The following WRNIP1 variants were observed in gnomAD, a reference collection of about 807,000 sequenced individuals.
WRNIP1 encodes WRN helicase interacting protein 1.
A neutral mutation model predicts 56.1 loss-of-function variants in WRNIP1; 41 were observed. The ratio of observed to expected loss-of-function variants is 0.73; its 90% CI spans 0.57 to 0.95. The LOEUF is 0.95. WRNIP1 is among the 40% of genes least tolerant of loss of function. The probability of loss-of-function intolerance (pLI) is 0.00; values close to 1 mark genes in which losing one functional copy is unlikely to be tolerated. For missense variants in WRNIP1, 1,170 were observed against 939.4 expected (o/e 1.25, Z -3.21); for synonymous variants, 547 against 398.1 (o/e 1.37, Z -4.45).
In WRNIP1 at chr6:2,770,302, C is replaced by T. The variant is rs1196344146; in HGVS notation, c.1197C>T (p.His399=). 10 of 1,614,072 alleles carry T rather than the reference C, an allele frequency of 6.2e-6. No homozygotes were observed. Among genetic ancestry groups the T allele is most frequent in the Middle Eastern group, 3.3e-4 (2 of 6,084 alleles). ...LMRAINSLGI[H]VLDSSRPTDP... is the part of the protein sequence containing the mutation. ...GAGCGATCAACTCCCTGGGAATCCA[C>T]GTCCTAGACTCTAGCCGTCCCACTG... Residue 399 remains histidine, a synonymous_variant, in exon 3 of 7, where the codon CAC becomes CAT. Coordinates refer to ENST00000380773, the MANE Select transcript of WRNIP1 (RefSeq NM_020135.3).
Position 2,779,260 on chromosome 6 carries a change from C to G in WRNIP1, c.1257-3C>G, listed in dbSNP as rs1457294396. 6.2e-7 allele frequency: 1 copy of G among 1,613,762 alleles called. No individual in the cohort carries two copies. Among genetic ancestry groups the G allele is most frequent in the Non-Finnish European group, 8.5e-7 (1 of 1,179,848 alleles). On this transcript the variant is annotated splice_region_variant and splice_polypyrimidine_tract_variant and intron_variant, in intron 3 of 6. Coordinates refer to ENST00000380773, the MANE Select transcript of WRNIP1 (RefSeq NM_020135.3). ...ACCGTAACTAACCCTGCTTGTGTTT[C>G]AGGCCCGCCATGTTCATAGAGGATA...
intron 4 of WRNIP1, among the ~76,000 whole-genome samples, chr6:2,779,789 TACAATCACCTTTGAAA>T: frequency 6.6e-6 from 1 of 152,346 alleles, no homozygotes; most frequent in African/African-American, 2.4e-5. Context: ...CCTTGCAGAA[TACAATCACCTTTGAAA>T]GCCTGTGCAT....
At chr6:2,772,687 G>A (rs1765331748) in intron 3 of WRNIP1, among the ~76,000 whole-genome samples, 1 of 152,206 alleles carries the variant, frequency 6.6e-6, no homozygotes, top group Non-Finnish European at 1.5e-5. Context: ...AAGAAGTTAA[G>A]TTAGGAGATA....
intron 4 of WRNIP1, among the ~76,000 whole-genome samples, 179 bp from the exon 5 acceptor site, chr6:2,783,227 A>T (rs1194975485): frequency 2.0e-5 from 3 of 152,164 alleles, no homozygotes; most frequent in Admixed American, 6.5e-5. Context: ...ACTGGGATTA[A>T]GCCCCAGCAG....
intron 1 of WRNIP1, among the ~76,000 whole-genome samples, chr6:2,768,160 C>T (rs1765109872): frequency 6.6e-6 from 1 of 152,192 alleles, no homozygotes; most frequent in African/African-American, 2.4e-5. Context: ...AGTGAACATG[C>T]AGAAGTGGCC....
In WRNIP1 at chr6:2,766,455, C is replaced by A; in HGVS notation, c.822+11C>A. ...CCGGGCTGCGGCAAGGTGAGTGCGG[C>A]CTTGGCCGTTGGGCTTCCGTAGTTA... On this transcript the variant is annotated intron_variant, in intron 1 of 6. Transcript: ENST00000380773. 1 of 1,514,814 alleles carries A rather than the reference C, an allele frequency of 6.6e-7. No individual in the cohort carries two copies. The highest frequency in any genetic ancestry group is 8.9e-7 in the Non-Finnish European group (1 of 1,120,174). The allele number at this position is 1,514,814 out of a possible 1,614,324, so 93.8% of individuals were successfully genotyped here.
intron 4 of WRNIP1, 58 bp downstream of exon 4, chr6:2,779,550 T>C: frequency 6.5e-7 from 1 of 1,535,860 alleles, no homozygotes; most frequent in African/African-American, 1.4e-5. Context: ...TGTGCACACA[T>C]TCTCATTTCC....
chr6:2,781,547 C>T (rs928015824), intron 4 of WRNIP1, among the ~76,000 whole-genome samples: 3 of 152,204 alleles, frequency 2.0e-5, no homozygotes, highest in African/African-American at 7.2e-5. Flanking sequence ...GACCCACCCC[C>T]AGAGTTGTGA....
chr6:2,772,882 C>G (rs907565416), intron 3 of WRNIP1: 17 of 824,036 alleles, frequency 2.1e-5, no homozygotes, highest in Middle Eastern at 6.2e-4. Context: ...TTTGGTGACA[C>G]TAATCTAGTT....
In WRNIP1 at chr6:2,779,252, T is replaced by C; in HGVS notation, c.1257-11T>C. 6.2e-7 allele frequency: 1 copy of C among 1,613,806 alleles called. No individual in the cohort carries two copies. On this transcript the variant is annotated splice_polypyrimidine_tract_variant and intron_variant, in intron 3 of 6. Transcript: ENST00000380773. The stretch of plus-strand genomic sequence containing the variant: ...TGAGTGTGACCGTAACTAACCCTGC[T>C]TGTGTTTCAGGCCCGCCATGTTCAT...
At chr6:2,783,636 T>TTA in intron 5 of WRNIP1, 75 bp downstream of exon 5, 1 of 864,310 alleles carries the variant, frequency 1.2e-6, no homozygotes, top group Non-Finnish European at 1.6e-6. Flanking sequence ...CATCGTGGCT[T>TTA]TTTTTTTTTT....
Position 2,765,636 on chromosome 6 carries a change from G to C in WRNIP1, c.14G>C (p.Gly5Ala). ...GCGGCGGCCGCCATGGAGGTGAGCG[G>C]GCCGGAAGACGACCCCTTCCTTTCG... MEVS[G>A]PEDDPFLSQL... is the part of the protein sequence containing the mutation. The change falls in exon 1 of 7, where the codon GGG becomes GCG. Residue 5 changes from glycine (G) to alanine (A), a missense_variant. By Grantham distance (60) the Gly-to-Ala change is moderately conservative. Transcript: ENST00000380773. The C allele has an allele frequency of 6.5e-7, 1 of 1,539,764 alleles. No individual in the cohort carries two copies. The highest frequency in any genetic ancestry group is 8.7e-7 in the Non-Finnish European group (1 of 1,151,724).
At chr6:2,783,653 T>TTTTTTGGGGG in intron 5 of WRNIP1, 92 bp downstream of exon 5, 51 of 120,086 alleles carry the variant, frequency 4.2e-4, no homozygotes, top group African/African-American at 1.4e-3. Context: ...TTTTTTTTTT[T>TTTTTTGGGGG]GCAGGGCGGG....
intron 3 of WRNIP1, among the ~76,000 whole-genome samples, chr6:2,778,728 T>C (rs1285799587): frequency 2.6e-5 from 4 of 152,186 alleles, no homozygotes; most frequent in Non-Finnish European, 4.4e-5. Flanking sequence ...TCAGAGTAAC[T>C]AGGGACCCAA....
intron 2 of WRNIP1, among the ~76,000 whole-genome samples, 178 bp from the exon 3 acceptor site, chr6:2,769,942 G>A (rs1318438265): frequency 6.6e-6 from 1 of 152,188 alleles, no homozygotes; most frequent in Non-Finnish European, 1.5e-5. Context: ...AGACTTAAAA[G>A]CAAGAGTTGT....
At position 2,765,766 on chromosome 6, in the gene WRNIP1, G is replaced by A. The variant is rs771905136; in HGVS notation, c.144G>A (p.Ala48=). The A allele has an allele frequency of 2.0e-6, 3 of 1,472,972 alleles. No individual in the cohort carries two copies. The highest frequency in any genetic ancestry group is 2.6e-5 in the South Asian group (2 of 77,866). The allele number at this position is 1,472,972 out of a possible 1,614,324, so 91.2% of individuals were successfully genotyped here. The change falls in exon 1 of 7, where the codon GCG becomes GCA. Residue 48 remains alanine, a synonymous_variant. Coordinates refer to ENST00000380773, the MANE Select transcript of WRNIP1 (RefSeq NM_020135.3). ...RCLLLHPAGH[A]EPAAGSHRAG... is the part of the protein sequence containing the mutation. ...TGCTGCTCCACCCGGCGGGGCACGC[G>A]GAGCCCGCGGCCGGGTCGCACCGCG...
chr6:2,774,012 T>G (rs1266705941), intron 3 of WRNIP1: 21 of 985,272 alleles, frequency 2.1e-5, no homozygotes, highest in Non-Finnish European at 2.5e-5. Context: ...GGCTATGGAT[T>G]CTTCTTTTTA....
chr6:2,782,582 G>T (rs1045274547), intron 4 of WRNIP1, among the ~76,000 whole-genome samples: 1 of 152,234 alleles, frequency 6.6e-6, no homozygotes, highest in Non-Finnish European at 1.5e-5. Context: ...ACCATCCTCC[G>T]CTTTCTCGTG....
intron 1 of WRNIP1, among the ~76,000 whole-genome samples, chr6:2,768,207 C>G (rs1212819009): frequency 1.3e-5 from 2 of 152,176 alleles, no homozygotes; most frequent in Non-Finnish European, 2.9e-5. Flanking sequence ...TGTCATTGGT[C>G]TCAAGGCAAA....
Sources: allele counts gnomAD v4.1 joint callset (sites outside exome capture counted in the v4.1 genomes callset), GRCh38; gene constraint gnomAD v4.1.1; transcripts MANE v1.5; gene names NCBI Gene and HGNC (gene_info 2026-07-23, HGNC 2026-07-21).